LYAR: variants seen among roughly 807,000 people sequenced by gnomAD.
The protein encoded by LYAR is Ly1 antibody reactive.
In LYAR, 37 loss-of-function variants were observed where a neutral mutation model predicts 45.2. The observed-to-expected ratio is 0.82, with a 90% CI of 0.63 to 1.08. The LOEUF (loss-of-function observed/expected upper bound fraction) is 1.08, where lower values mean the gene tolerates loss of function less well. Ranked by LOEUF, LYAR falls within the 50% of genes least tolerant of loss-of-function variation. The pLI is 0.00. For synonymous variants in LYAR, 176 were observed against 155.1 expected, an observed-to-expected ratio of 1.14 and a Z score of -1.00; for missense variants, 493 against 451.0, an observed-to-expected ratio of 1.09 and a Z score of -0.84.
chr4:4,267,803 G>A lies in LYAR; in HGVS notation c.*86C>T. ...TACAGCTTCAAAAAGCAAAATTTGA[G>A]TTGTTAGAATTCATTACACATTTTA... On this transcript the variant is annotated 3_prime_UTR_variant, in exon 10 of 10. Coordinates refer to ENST00000343470, the MANE Select transcript of LYAR (RefSeq NM_017816.3). 2 of 1,150,862 alleles carry A rather than the reference G, an allele frequency of 1.7e-6. No homozygotes were observed. The highest frequency in any genetic ancestry group is 5.6e-5 in the East Asian group (2 of 35,420). The allele number at this position is 1,150,862 out of a possible 1,614,324, so 71.3% of individuals were successfully genotyped here. A position where few individuals can be genotyped will look rare whatever the true frequency, so the allele number is the denominator to read the frequency against.
At chr4:4,279,970 C>T (rs985715508) in intron 4 of LYAR, among the ~76,000 whole-genome samples, 2 of 152,126 alleles carry the variant, frequency 1.3e-5, no homozygotes, top group African/African-American at 4.8e-5. Context: ...AAAAGGCATC[C>T]TAACTGCAAA....
intron 3 of LYAR, among the ~76,000 whole-genome samples, chr4:4,282,344 A>C (rs1004829056): frequency 6.6e-6 from 1 of 152,116 alleles, no homozygotes; most frequent in African/African-American, 2.4e-5. Flanking sequence ...TGGATCCCTT[A>C]GGGTCCTGAG....
intron 8 of LYAR, 39 bp from the exon 9 acceptor site, chr4:4,268,654 G>T (rs1184886398): frequency 1.5e-5 from 21 of 1,355,178 alleles, no homozygotes; most frequent in Non-Finnish European, 2.1e-5. Flanking sequence ...ATTTCGTTTT[G>T]TTGTACTACG....
In LYAR at chr4:4,274,755, C is replaced by T; in HGVS notation, c.444G>A (p.Lys148=). 3.8e-6 allele frequency: 6 copies of T among 1,595,488 alleles called. No homozygotes were observed. Among genetic ancestry groups the T allele is most frequent in the Non-Finnish European group, 5.1e-6 (6 of 1,175,166 alleles). ...SEASNSEPVN[K]EQDQRPLHPV... Reference sequence around the variant, plus strand: ...GGTGGAGTGGCCGTTGATCCTGTTCCTTATTGACTGGTTCCTTATCATTAA... The same window carrying T: ...GGTGGAGTGGCCGTTGATCCTGTTCTTTATTGACTGGTTCCTTATCATTAA... Residue 148 remains lysine (K), a synonymous_variant, in exon 7 of 10, where the codon AAG becomes AAA. Transcript: ENST00000343470.
chr4:4,283,503 T>C (rs1015183846), intron 3 of LYAR, 118 bp downstream of exon 3: 6 of 1,094,020 alleles, frequency 5.5e-6, no homozygotes, highest in African/African-American at 3.2e-5. Flanking sequence ...AACATACCAG[T>C]TTTTAGTCTT....
At chr4:4,284,619 G>A (rs972176693) in intron 2 of LYAR, among the ~76,000 whole-genome samples, 2 of 152,052 alleles carry the variant, frequency 1.3e-5, no homozygotes, top group South Asian at 4.1e-4. Flanking sequence ...GTCTGCACAC[G>A]CACATAAACA....
At chr4:4,276,999 C>T (rs898294658) in intron 6 of LYAR, among the ~76,000 whole-genome samples, 4 of 152,188 alleles carry the variant, frequency 2.6e-5, no homozygotes, top group South Asian at 2.1e-4. Context: ...GACAAAGAAA[C>T]TTCACATCTG....
chr4:4,273,459 G>T, intron 8 of LYAR, 124 bp downstream of exon 8: 1 of 658,676 alleles, frequency 1.5e-6, no homozygotes, highest in Non-Finnish European at 2.7e-6. Flanking sequence ...TACGCCCATG[G>T]CTCACTACAG....
chr4:4,286,554 G>A lies in LYAR; in HGVS notation c.-89C>T, dbSNP rs1560098745. The A allele has an allele frequency of 6.6e-6, 1 of 151,740 alleles. No homozygotes were observed. The allele number at this position is 151,740 out of a possible 1,614,324, so 9.4% of individuals were successfully genotyped here. ...CATGTAGAAATTCAGTCACTCCAAT[G>A]GAAGACAGCAAACATTGCCTAAAAC... On this transcript the variant is annotated 5_prime_UTR_variant, in exon 2 of 10. Transcript: ENST00000343470.
At chr4:4,283,201 A>G (rs1326303051) in intron 3 of LYAR, among the ~76,000 whole-genome samples, 1 of 152,234 alleles carries the variant, frequency 6.6e-6, no homozygotes, top group African/African-American at 2.4e-5. Context: ...CCCAGGCTGG[A>G]GTGCAGTGGT....
chr4:4,273,792 C>G, intron 7 of LYAR, 123 bp from the exon 8 acceptor site: 1 of 609,466 alleles, frequency 1.6e-6, no homozygotes, highest in East Asian at 2.9e-5. Flanking sequence ...CTCCAAGCTG[C>G]CCAGCCCCGG....
intron 6 of LYAR, among the ~76,000 whole-genome samples, chr4:4,275,707 A>AT (rs1002255375): frequency 3.5e-5 from 3 of 86,902 alleles, no homozygotes; most frequent in Admixed American, 1.3e-4. Flanking sequence ...TCATTTATGT[A>AT]TTTTTTTTGG....
At chr4:4,278,521 A>G (rs531382509) in intron 6 of LYAR, among the ~76,000 whole-genome samples, 1 of 152,198 alleles carries the variant, frequency 6.6e-6, no homozygotes, top group Non-Finnish European at 1.5e-5. Flanking sequence ...AGGCGCTTCA[A>G]GCACACTGCT....
In LYAR at chr4:4,269,094, C is replaced by T. The variant is rs527866716; in HGVS notation, c.920-479G>A. Among the ~76,000 whole-genome samples the T allele has an allele frequency of 1.1e-4, 17 of 152,280 alleles. No individual in the cohort carries two copies. In the South Asian group the frequency reaches 3.5e-3, roughly 32 times the overall value. On this transcript the variant is annotated intron_variant, in intron 8 of 9. Coordinates refer to ENST00000343470, the MANE Select transcript of LYAR (RefSeq NM_017816.3). ...TCCTCCTGCCCACTACAACTGAGAACCCTGAAACTATATAGGCAAGAAATG... is the reference window on the plus strand; with the variant it reads ...TCCTCCTGCCCACTACAACTGAGAATCCTGAAACTATATAGGCAAGAAATG...
rs780805633 is a variant in LYAR at position 4,283,769 on chromosome 4, T to C, written c.-27A>G. The C allele has an allele frequency of 3.8e-6, 6 of 1,586,882 alleles. No homozygotes were observed. Among genetic ancestry groups the C allele is most frequent in the Admixed American group, 1.7e-5 (1 of 58,812 alleles). ...TTTAGGTAAATGGCTAAATATTCTC[T>C]ATCCAAGACAGGTTTTAAGTCTTGT... On this transcript the variant is annotated 5_prime_UTR_variant, in exon 3 of 10. In the 5' UTR this introduces an upstream ATG that the reference lacks. Transcript: ENST00000343470.
chr4:4,282,569 A>G (rs954436477), intron 3 of LYAR, among the ~76,000 whole-genome samples: 2 of 152,152 alleles, frequency 1.3e-5, no homozygotes, highest in African/African-American at 4.8e-5. Flanking sequence ...AAAAGAGAGT[A>G]TTAGCCAGTA....
At position 4,273,631 on chromosome 4, in the gene LYAR, C is replaced by T; in HGVS notation, c.871G>A (p.Glu291Lys). Residue 291 changes from glutamate to lysine, a missense_variant, in exon 8 of 10, where the codon GAG becomes AAG. By Grantham distance (56) the Glu-to-Lys change is moderately conservative (BLOSUM62 1). Coordinates refer to ENST00000343470, the MANE Select transcript of LYAR (RefSeq NM_017816.3). ...DSKKKKMKLP[E>K]HPEGGEPEDD... ...TCTGGTTCTCCGCCCTCAGGATGCT[C>T]TGGGAGCTTCATCTTTTTCTTCTTA... 6.2e-7 allele frequency: 1 copy of T among 1,613,412 alleles called. No homozygotes were observed. The highest frequency in any genetic ancestry group is 8.5e-7 in the Non-Finnish European group (1 of 1,179,554).
At chr4:4,277,077 C>T (rs986832705) in intron 6 of LYAR, among the ~76,000 whole-genome samples, 5 of 152,090 alleles carry the variant, frequency 3.3e-5, no homozygotes, top group African/African-American at 7.2e-5. Flanking sequence ...GACTGAGTCT[C>T]GCTCTATCAC....
intron 8 of LYAR, chr4:4,268,847 C>T (rs1352286030): frequency 2.3e-6 from 1 of 426,188 alleles, no homozygotes; most frequent in Non-Finnish European, 4.2e-6. Flanking sequence ...ATTGGCATGA[C>T]AAACTCCTAG....
Sources: allele counts gnomAD v4.1 joint callset (sites outside exome capture counted in the v4.1 genomes callset), GRCh38; gene constraint gnomAD v4.1.1; transcripts MANE v1.5; gene names NCBI Gene and HGNC (gene_info 2026-07-23, HGNC 2026-07-21).